NARS2: variants seen among roughly 807,000 people sequenced by gnomAD.
NARS2 encodes asparaginyl-tRNA synthetase 2, mitochondrial.
NARS2 carries 60 observed loss-of-function variants against 62.9 expected under a neutral mutation model. The ratio of observed to expected loss-of-function variants is 0.95; its 90% CI spans 0.77 to 1.18. The LOEUF (loss-of-function observed/expected upper bound fraction) is 1.18. Ranked by LOEUF, NARS2 falls within the 50% of genes most tolerant of loss-of-function variation. The probability of loss-of-function intolerance (pLI) is 0.00; values close to 1 mark genes in which losing one functional copy is unlikely to be tolerated. For missense variants in NARS2, 619 were observed against 576.4 expected, an observed-to-expected ratio of 1.07 and a Z score of -0.76; for synonymous variants, 196 against 200.0, an observed-to-expected ratio of 0.98 and a Z score of 0.17.
chr11:78,536,756 C>T (rs1031299711), intron 5 of NARS2, among the ~76,000 whole-genome samples: 1 of 151,950 alleles, frequency 6.6e-6, no homozygotes, highest in Non-Finnish European at 1.5e-5. Context: ...TTTAGTGTAG[C>T]TTAAGTACAT....
At chr11:78,497,287 G>A (rs907117105) in intron 6 of NARS2, among the ~76,000 whole-genome samples, 12 of 145,416 alleles carry the variant, frequency 8.3e-5, no homozygotes, top group Non-Finnish European at 1.3e-4. Context: ...ACTTTCTCCC[G>A]TGTATGGAGT....
chr11:78,528,934 A>C lies in NARS2; in HGVS notation c.597T>G (p.Pro199=). ...EGAGELFQLE[P]SGKLKVPEEN... ...CCTCAGGTACCTTAAGTTTGCCTGA[A>C]GGCTGCAAATCAAAAACATAAGCCA... Residue 199 remains proline, a splice_region_variant and synonymous_variant, in exon 6 of 14, where the codon CCT becomes CCG. Transcript: ENST00000281038. 1 of 1,605,720 alleles carries C rather than the reference A, an allele frequency of 6.2e-7. No homozygotes were observed. The highest frequency in any genetic ancestry group is 8.5e-7 in the Non-Finnish European group (1 of 1,173,532).
chr11:78,573,609 C>T (rs1245974314), intron 1 of NARS2: 1 of 152,200 alleles, frequency 6.6e-6, no homozygotes, highest in Non-Finnish European at 1.5e-5. Flanking sequence ...TTATTCTGCA[C>T]CTCTTCTATG....
chr11:78,468,214 C>CA (rs113101859), intron 10 of NARS2, among the ~76,000 whole-genome samples: 3,667 of 137,032 alleles, frequency 0.027, 158 homozygotes, highest in African/African-American at 0.094. Flanking sequence ...GCAAAACAAA[C>CA]AAAAAAACCC....
intron 11 of NARS2, among the ~76,000 whole-genome samples, chr11:78,459,203 C>T (rs528769367): frequency 1.4e-4 from 21 of 150,392 alleles, no homozygotes; most frequent in East Asian, 3.9e-4. Flanking sequence ...GCATGAGCCA[C>T]GGCGCCGGTC....
chr11:78,552,490 G>A (rs74971059), intron 5 of NARS2, among the ~76,000 whole-genome samples: 2,934 of 152,222 alleles, frequency 0.019, 90 homozygotes, highest in African/African-American at 0.067. Context: ...AAAGGAAAAT[G>A]CATCTTGGGC....
chr11:78,455,847 G>A (rs1414217759), intron 11 of NARS2, among the ~76,000 whole-genome samples: 1 of 151,644 alleles, frequency 6.6e-6, no homozygotes, highest in Non-Finnish European at 1.5e-5. Flanking sequence ...AGCCTCATCT[G>A]TAAGAAAGGG....
intron 4 of NARS2, among the ~76,000 whole-genome samples, chr11:78,565,830 A>G (rs560027454): frequency 1.3e-5 from 2 of 152,220 alleles, no homozygotes; most frequent in Non-Finnish European, 2.9e-5. Flanking sequence ...AGGAATAAAT[A>G]GTACTAGACT....
At chr11:78,563,851 A>AT (rs1555044245) in intron 4 of NARS2, among the ~76,000 whole-genome samples, 500 of 33,510 alleles carry the variant, frequency 0.015, 3 homozygotes, top group Middle Eastern at 0.033. Context: ...AAAAAAAAAA[A>AT]ATATATATAT....
At chr11:78,512,013 G>A (rs1229789943) in intron 6 of NARS2, among the ~76,000 whole-genome samples, 1 of 152,102 alleles carries the variant, frequency 6.6e-6, no homozygotes, top group Non-Finnish European at 1.5e-5. Context: ...ACCCCAGAAG[G>A]GGCACAACAA....
At chr11:78,569,389 A>C (rs1590877922) in intron 2 of NARS2, among the ~76,000 whole-genome samples, 1 of 152,338 alleles carries the variant, frequency 6.6e-6, no homozygotes, top group Non-Finnish European at 1.5e-5. Flanking sequence ...ACCTGGGCTC[A>C]AGCAATCCTC....
chr11:78,508,211 GA>G (rs1373277013), intron 6 of NARS2, among the ~76,000 whole-genome samples: 3 of 151,762 alleles, frequency 2.0e-5, no homozygotes, highest in East Asian at 1.9e-4. Context: ...AGAAAAGACT[GA>G]AAAAAAATGA....
chr11:78,546,854 C>T (rs776457179), intron 5 of NARS2, among the ~76,000 whole-genome samples: 90 of 152,228 alleles, frequency 5.9e-4, no homozygotes, highest in Non-Finnish European at 7.8e-4. Flanking sequence ...TCTCTGATCA[C>T]TCCTGTACCT....
Position 78,566,158 on chromosome 11 carries a change from T to C in NARS2, c.487A>G (p.Thr163Ala), listed in dbSNP as rs754931003. Residue 163 changes from threonine (T) to alanine (A), a missense_variant, in exon 4 of 14, where the codon ACA becomes GCA. Thr to Ala is a moderately conservative substitution (Grantham distance 58). Transcript: ENST00000281038. The stretch of plus-strand genomic sequence containing the variant: ...TTAAAGAAAGAATGAATAGCAGCTG[T>C]CGCTTCACTGCGAATCCTCAATATA... ...GSILRIRSEA[T>A]AAIHSFFKDS... The C allele has an allele frequency of 1.2e-6, 2 of 1,609,268 alleles. No individual in the cohort carries two copies. Among genetic ancestry groups the C allele is most frequent in the East Asian group, 4.5e-5 (2 of 44,736 alleles).
At chr11:78,552,837 A>T (rs1856178618) in intron 5 of NARS2, among the ~76,000 whole-genome samples, 1 of 152,228 alleles carries the variant, frequency 6.6e-6, no homozygotes, top group Non-Finnish European at 1.5e-5. Context: ...GGGCCTCCTG[A>T]GGCTGTGTCA....
chr11:78,550,038 T>G (rs1856039022), intron 5 of NARS2, among the ~76,000 whole-genome samples: 1 of 152,218 alleles, frequency 6.6e-6, no homozygotes, highest in Admixed American at 6.5e-5. Context: ...CTTAGTCATG[T>G]TAAATAAGGC....
chr11:78,469,831 C>T (rs1023039778), intron 9 of NARS2, among the ~76,000 whole-genome samples: 10 of 151,666 alleles, frequency 6.6e-5, no homozygotes, highest in Admixed American at 5.9e-4. Flanking sequence ...AGTAGCTATT[C>T]GTGCTATGAA....
At chr11:78,478,175 A>G (rs538074518) in intron 9 of NARS2, among the ~76,000 whole-genome samples, 16 of 152,214 alleles carry the variant, frequency 1.1e-4, no homozygotes, top group African/African-American at 3.9e-4. Flanking sequence ...TAGTTACTAG[A>G]TTTTATCTTG....
At chr11:78,566,458 CAG>C (rs1856749208) in intron 3 of NARS2, among the ~76,000 whole-genome samples, 186 bp from the exon 4 acceptor site, 1 of 152,182 alleles carries the variant, frequency 6.6e-6, no homozygotes, top group Admixed American at 6.5e-5. Context: ...AGGACGGAAT[CAG>C]AGACATGTAG....
Sources: allele counts gnomAD v4.1 joint callset (sites outside exome capture counted in the v4.1 genomes callset), GRCh38; gene constraint gnomAD v4.1.1; transcripts MANE v1.5; gene names NCBI Gene and HGNC (gene_info 2026-07-23, HGNC 2026-07-21).